DCLK1: variants seen among roughly 807,000 people sequenced by gnomAD.
The protein encoded by DCLK1 is serine/threonine-protein kinase DCLK1.
Under a neutral mutation model 86.2 loss-of-function variants are expected in DCLK1, and 16 were observed. The observed-to-expected ratio is 0.19, with a 90% CI of 0.13 to 0.28. The LOEUF is 0.28. Among genes scored for constraint, DCLK1 ranks in the 10% least tolerant of loss-of-function variants. The pLI is 1.00. For synonymous variants in DCLK1, 369 were observed against 370.5 expected, an observed-to-expected ratio of 1.00 and a Z score of 0.05; for missense variants, 590 against 940.2, an observed-to-expected ratio of 0.63 and a Z score of 4.87.
intron 3 of DCLK1, among the ~76,000 whole-genome samples, chr13:36,104,057 T>C (rs1183390647): frequency 1.3e-5 from 2 of 152,056 alleles, no homozygotes; most frequent in Non-Finnish European, 2.9e-5. Flanking sequence ...TATACTAGAG[T>C]CTTTCATGAA....
intron 3 of DCLK1, among the ~76,000 whole-genome samples, chr13:36,021,947 C>T (rs1881802972): frequency 6.6e-6 from 1 of 152,060 alleles, no homozygotes; most frequent in African/African-American, 2.4e-5. Flanking sequence ...GCAGAATACA[C>T]ATTCTTCTCA....
intron 3 of DCLK1, among the ~76,000 whole-genome samples, chr13:35,967,973 T>C (rs1294559511): frequency 6.6e-6 from 1 of 151,640 alleles, no homozygotes; most frequent in Non-Finnish European, 1.5e-5. Context: ...GTGACCAGGA[T>C]CACGCCACTG....
At chr13:35,932,697 C>T (rs1039276227) in intron 4 of DCLK1, among the ~76,000 whole-genome samples, 1 of 152,196 alleles carries the variant, frequency 6.6e-6, no homozygotes, top group African/African-American at 2.4e-5. Context: ...TGTGGGAAAA[C>T]TCCCCCATGA....
rs1336598190 is a variant in DCLK1 at position 35,871,250 on chromosome 13, C to T, written c.914G>A (p.Ser305Asn). ...TGAGCTGGTGGAGGCAGGGGACTTG[C>T]TACGCCTGGACGGTCCTGGGCTCTT... Reference protein sequence around the residue: ...TTKSPGPSRRSKSPASTSSVN... With the variant: ...TTKSPGPSRRNKSPASTSSVN... The change falls in exon 5 of 17, where the codon AGC becomes AAC. Residue 305 changes from serine (S) to asparagine (N), a missense_variant. Physicochemically the swap from Ser to Asn is conservative, Grantham distance 46. Around this residue, in one of 6 missense-constraint regions of DCLK1, gnomAD observed 195 missense variants for 365.1 expected, o/e 0.53. Transcript: ENST00000360631. 1 of 1,613,642 alleles carries T rather than the reference C, an allele frequency of 6.2e-7. No individual in the cohort carries two copies. Among genetic ancestry groups the T allele is most frequent in the Non-Finnish European group, 8.5e-7 (1 of 1,179,906 alleles).
Position 35,827,613 on chromosome 13 carries a change from ACT to A in DCLK1, c.1407+20_1407+21del. On this transcript the variant is annotated intron_variant, in intron 10 of 16. Coordinates refer to ENST00000360631, the MANE Select transcript of DCLK1 (RefSeq NM_001330071.2). ...AGTGCGGTGCCATCAATAAAGACTT[ACT>A]TTCTTTCCAAAATACACACCTTTAC... 1.9e-6 allele frequency: 3 copies of A among 1,613,424 alleles called. No homozygotes were observed. The highest frequency in any genetic ancestry group is 2.5e-6 in the Non-Finnish European group (3 of 1,179,766).
chr13:36,033,417 A>G (rs566787506), intron 3 of DCLK1, among the ~76,000 whole-genome samples: 1 of 152,178 alleles, frequency 6.6e-6, no homozygotes, highest in Non-Finnish European at 1.5e-5. Context: ...CGCATAATAT[A>G]TAGGAGGCAG....
chr13:35,969,262 C>A (rs1182513946), intron 3 of DCLK1, among the ~76,000 whole-genome samples: 1 of 152,036 alleles, frequency 6.6e-6, no homozygotes, highest in Non-Finnish European at 1.5e-5. Context: ...GCAGATGTGA[C>A]CTTATTTGGA....
chr13:35,964,030 T>C (rs575566971), intron 3 of DCLK1, among the ~76,000 whole-genome samples: 1 of 152,208 alleles, frequency 6.6e-6, no homozygotes, highest in Non-Finnish European at 1.5e-5. Flanking sequence ...CAGGAAATAG[T>C]AGTTAAATTA....
intron 8 of DCLK1, 141 bp from the exon 9 acceptor site, chr13:35,828,448 A>T (rs3818478): frequency 0.23 from 148,577 of 640,042 alleles, 20,862 homozygotes; most frequent in African/African-American, 0.5. Context: ...TTCCTTTTTT[A>T]AAAAAAAACA....
chr13:35,909,877 CTT>C (rs140285390), intron 4 of DCLK1, among the ~76,000 whole-genome samples: 2,272 of 152,222 alleles, frequency 0.015, 26 homozygotes, highest in South Asian at 0.055. Flanking sequence ...GGGCATGAGA[CTT>C]TGCCTCTCTC....
chr13:35,782,148 G>T (rs2086537698), intron 16 of DCLK1, among the ~76,000 whole-genome samples: 2 of 152,272 alleles, frequency 1.3e-5, no homozygotes, highest in African/African-American at 2.4e-5. Flanking sequence ...TCCTGGGAGA[G>T]CTGACCTTAT....
At chr13:35,878,673 T>C (rs1872717290) in intron 4 of DCLK1, among the ~76,000 whole-genome samples, 1 of 152,168 alleles carries the variant, frequency 6.6e-6, no homozygotes, top group Non-Finnish European at 1.5e-5. Flanking sequence ...TTGGAATAAA[T>C]GTTTGAGGTG....
chr13:35,781,838 T>C (rs1055486639), intron 16 of DCLK1, among the ~76,000 whole-genome samples: 36 of 152,330 alleles, frequency 2.4e-4, no homozygotes, highest in African/African-American at 8.2e-4. Context: ...ACATTACGAT[T>C]TGCTTGTCAG....
At chr13:35,863,210 T>C (rs1871527343) in intron 5 of DCLK1, among the ~76,000 whole-genome samples, 1 of 152,210 alleles carries the variant, frequency 6.6e-6, no homozygotes, top group African/African-American at 2.4e-5. Flanking sequence ...TAATAACACA[T>C]TTCTTGGAAC....
chr13:35,842,924 G>A (rs1381945352), intron 6 of DCLK1, among the ~76,000 whole-genome samples: 1 of 152,124 alleles, frequency 6.6e-6, no homozygotes, highest in Non-Finnish European at 1.5e-5. Context: ...CACCTAAATA[G>A]ACTAACTTAG....
Position 35,797,664 on chromosome 13 carries a change from A to C in DCLK1, c.1945-4185T>G, listed in dbSNP as rs370851362. ...GGAGTAGGTAAAACACATACATGTA[A>C]ACACACACACACACACACCCCATGA... is the stretch of plus-strand genomic sequence containing the variant. On this transcript the variant is annotated intron_variant, in intron 15 of 16. Transcript: ENST00000360631. 7.2e-4 allele frequency among the ~76,000 whole-genome samples: 109 copies of C among 151,044 alleles called. 1 individual carries two copies. The highest frequency in any genetic ancestry group is 2.6e-3 in the African/African-American group (106 of 41,242).
intron 1 of DCLK1, 44 bp downstream of exon 1, chr13:36,131,070 G>A (rs1475428307): frequency 2.0e-5 from 3 of 150,154 alleles, no homozygotes; most frequent in Non-Finnish European, 4.5e-5. Context: ...TCCCCCGGCC[G>A]CCCTCCCCGC....
intron 10 of DCLK1, among the ~76,000 whole-genome samples, chr13:35,823,826 T>A (rs967400535): frequency 6.6e-6 from 1 of 152,244 alleles, no homozygotes; most frequent in Non-Finnish European, 1.5e-5. Context: ...ATAGCCCCTG[T>A]AGGCTGATGA....
chr13:35,916,148 G>A (rs1227435833), intron 4 of DCLK1, among the ~76,000 whole-genome samples: 1 of 152,108 alleles, frequency 6.6e-6, no homozygotes, highest in Non-Finnish European at 1.5e-5. Flanking sequence ...CAAGATGCCA[G>A]GGAGCAAAAC....
Sources: allele counts gnomAD v4.1 joint callset (sites outside exome capture counted in the v4.1 genomes callset), GRCh38; gene constraint gnomAD v4.1.1; regional missense constraint gnomAD v4.1.1; transcripts MANE v1.5; gene names NCBI Gene and HGNC (gene_info 2026-07-23, HGNC 2026-07-21).